SNTG2: variants seen among roughly 807,000 people sequenced by gnomAD.
SNTG2 encodes the protein syntrophin gamma 2.
SNTG2 carries 74 observed loss-of-function variants against 70.9 expected under a neutral mutation model. The ratio of observed to expected loss-of-function variants is 1.04; its 90% CI spans 0.86 to 1.27. SNTG2 has a LOEUF of 1.27. Among genes scored for constraint, SNTG2 ranks in the 50% most tolerant of loss-of-function variants. The pLI is 0.00. For synonymous variants in SNTG2, 278 were observed against 273.8 expected (o/e 1.02, Z -0.15); for missense variants, 717 against 690.7 (o/e 1.04, Z -0.43).
intron 1 of SNTG2, among the ~76,000 whole-genome samples, chr2:1,033,120 C>T (rs1202097450): frequency 6.6e-6 from 1 of 152,164 alleles, no homozygotes; most frequent in Non-Finnish European, 1.5e-5. Context: ...AAATATGCAC[C>T]CATGATCCAG....
chr2:1,000,980 A>G (rs1659362619), intron 1 of SNTG2, among the ~76,000 whole-genome samples: 1 of 152,076 alleles, frequency 6.6e-6, no homozygotes, highest in Non-Finnish European at 1.5e-5. Flanking sequence ...AAATCAACAA[A>G]TGTGATTCGC....
intron 9 of SNTG2, among the ~76,000 whole-genome samples, chr2:1,213,083 G>A (rs1334007963): frequency 6.6e-6 from 1 of 152,068 alleles, no homozygotes; most frequent in Admixed American, 6.6e-5. Flanking sequence ...TACCTTCTGG[G>A]TCCTTTCTAA....
intron 1 of SNTG2, among the ~76,000 whole-genome samples, chr2:1,066,646 C>T (rs1466932194): frequency 1.3e-5 from 2 of 152,028 alleles, no homozygotes; most frequent in African/African-American, 4.8e-5. Context: ...CTTTTTGTCA[C>T]ACATCACAAT....
rs146243197 is a variant in SNTG2 at position 957,326 on chromosome 2, GA to G, written c.72+6259del. Among the ~76,000 whole-genome samples, 863 of 152,210 alleles carry G rather than the reference GA, an allele frequency of 5.7e-3. 13 individuals carry two copies. Among genetic ancestry groups the G allele is most frequent in the Middle Eastern group, 0.02 (6 of 294 alleles). On this transcript the variant is annotated intron_variant, in intron 1 of 16. Coordinates refer to ENST00000308624, the MANE Select transcript of SNTG2 (RefSeq NM_018968.4). ...TAGAAATTTTACCACCTCCCTGCTTGAGGGGGAGCAACGGATGGGGAACGGT... is the reference window on the plus strand; with the variant it reads ...TAGAAATTTTACCACCTCCCTGCTTGGGGGGAGCAACGGATGGGGAACGGT...
chr2:977,745 G>A lies in SNTG2; in HGVS notation c.72+26677G>A, dbSNP rs534196250. ...CTTAACTAGACCTTACCGAGATCAG[G>A]ACCTGCCTGCGTTGCCAACGTCACG... On this transcript the variant is annotated intron_variant, in intron 1 of 16. Coordinates refer to ENST00000308624, the MANE Select transcript of SNTG2 (RefSeq NM_018968.4). Among the ~76,000 whole-genome samples the A allele has an allele frequency of 5.1e-3, 783 of 152,134 alleles. 7 individuals carry two copies. The highest frequency in any genetic ancestry group is 0.01 in the Admixed American group (160 of 15,290).
intron 14 of SNTG2, among the ~76,000 whole-genome samples, chr2:1,277,759 T>C (rs1001455598): frequency 7.2e-5 from 11 of 152,178 alleles, no homozygotes; most frequent in African/African-American, 2.7e-4. Context: ...ACATGCAAGC[T>C]GGGCACCTGC....
At chr2:1,016,838 GAAGCTGGTA>G (rs1659910426) in intron 1 of SNTG2, among the ~76,000 whole-genome samples, 1 of 152,168 alleles carries the variant, frequency 6.6e-6, no homozygotes, top group Non-Finnish European at 1.5e-5. Flanking sequence ...GTTGAAAGGT[GAAGCTGGTA>G]CATGAATGCC....
intron 1 of SNTG2, among the ~76,000 whole-genome samples, chr2:1,066,741 C>G (rs1335973197): frequency 1.3e-5 from 2 of 151,968 alleles, no homozygotes; most frequent in South Asian, 2.1e-4. Flanking sequence ...TTGCTCAGCT[C>G]CTGGGGCACC....
chr2:1,141,603 T>TA (rs1443135121), intron 6 of SNTG2, among the ~76,000 whole-genome samples: 2 of 152,146 alleles, frequency 1.3e-5, no homozygotes, highest in African/African-American at 4.8e-5. Context: ...AGAAATGGAA[T>TA]AAAATTTACC....
chr2:1,098,949 C>T (rs1199072935), intron 4 of SNTG2, among the ~76,000 whole-genome samples: 3 of 152,208 alleles, frequency 2.0e-5, no homozygotes, highest in Non-Finnish European at 4.4e-5. Context: ...ACAAGAATAA[C>T]TGACATTCAT....
At chr2:1,091,784 G>C (rs1665046930) in intron 2 of SNTG2, among the ~76,000 whole-genome samples, 1 of 152,180 alleles carries the variant, frequency 6.6e-6, no homozygotes, top group Non-Finnish European at 1.5e-5. Context: ...CCAGGATATT[G>C]AAATCCTTCT....
At chr2:988,309 G>A (rs993042289) in intron 1 of SNTG2, among the ~76,000 whole-genome samples, 10 of 152,188 alleles carry the variant, frequency 6.6e-5, no homozygotes, top group African/African-American at 2.4e-4. Flanking sequence ...TGACCCCAGA[G>A]GCCCTGAGTC....
intron 1 of SNTG2, chr2:1,059,197 T>C (rs1409872162): frequency 6.6e-6 from 1 of 152,272 alleles, no homozygotes; most frequent in Non-Finnish European, 1.5e-5. Context: ...AGTGTGTTCC[T>C]GGCAATGGAC....
chr2:1,329,561 C>T (rs920451239), intron 16 of SNTG2, among the ~76,000 whole-genome samples: 3 of 152,112 alleles, frequency 2.0e-5, no homozygotes, highest in Non-Finnish European at 4.4e-5. Flanking sequence ...TGCCTGTCTA[C>T]GCACAATGGC....
chr2:1,242,634 C>A (rs975468263), intron 11 of SNTG2: 6 of 152,148 alleles, frequency 3.9e-5, no homozygotes, highest in Non-Finnish European at 8.8e-5. Context: ...TTTGAATAAC[C>A]TGAATTTTAA....
In SNTG2 at chr2:1,209,239, C is replaced by G; in HGVS notation, c.719+9C>G. On this transcript the variant is annotated intron_variant, in intron 9 of 16. Transcript: ENST00000308624. Reference sequence around the variant, plus strand: ...GGAACGGAAAAATTAAGGTGTGTGACCATTGTCTGAGATGGGAAACTTTGA... The same window carrying G: ...GGAACGGAAAAATTAAGGTGTGTGAGCATTGTCTGAGATGGGAAACTTTGA... 6.2e-7 allele frequency: 1 copy of G among 1,613,870 alleles called. No homozygotes were observed. The highest frequency in any genetic ancestry group is 1.3e-5 in the African/African-American group (1 of 75,012).
chr2:1,087,239 C>T (rs1664740662), intron 2 of SNTG2, among the ~76,000 whole-genome samples: 1 of 152,202 alleles, frequency 6.6e-6, no homozygotes, highest in Non-Finnish European at 1.5e-5. Context: ...CACACCTGCT[C>T]TTGTCCTCAT....
chr2:1,008,270 G>A (rs1469899169), intron 1 of SNTG2, among the ~76,000 whole-genome samples: 1 of 152,182 alleles, frequency 6.6e-6, no homozygotes, highest in Non-Finnish European at 1.5e-5. Flanking sequence ...TTTCGAATGT[G>A]TGTTTGTAAC....
intron 9 of SNTG2, among the ~76,000 whole-genome samples, chr2:1,234,601 G>A (rs568633279): frequency 2.6e-5 from 4 of 152,308 alleles, no homozygotes; most frequent in Admixed American, 6.5e-5. Context: ...ATGAAGCTAT[G>A]GCATAAACGT....
Sources: allele counts gnomAD v4.1 joint callset (sites outside exome capture counted in the v4.1 genomes callset), GRCh38; gene constraint gnomAD v4.1.1; transcripts MANE v1.5; gene names NCBI Gene and HGNC (gene_info 2026-07-23, HGNC 2026-07-21).